The following ARHGEF7 variants were observed in gnomAD, a reference collection of about 807,000 sequenced individuals.
ARHGEF7 encodes PAK-interacting exchange factor beta.
In ARHGEF7, 33 loss-of-function variants were observed where a neutral mutation model predicts 109.8. The observed-to-expected ratio is 0.30, with a 90% CI of 0.23 to 0.40. The LOEUF (loss-of-function observed/expected upper bound fraction) is 0.40. Among genes scored for constraint, ARHGEF7 ranks in the 10% least tolerant of loss-of-function variants. The pLI, the probability that ARHGEF7 is intolerant of heterozygous loss-of-function variation, is 1.00. For missense variants in ARHGEF7, 938 were observed against 1,098.5 expected (o/e 0.85, Z 2.07); for synonymous variants, 458 against 424.6 (o/e 1.08, Z -0.97).
chr13:111,115,517 G>A lies in ARHGEF7; in HGVS notation c.-10G>A. On this transcript the variant is annotated 5_prime_UTR_variant, in exon 1 of 22. Coordinates refer to ENST00000646102, the MANE Select transcript of ARHGEF7 (RefSeq NM_001354046.2). ...CGCGCCCCTCCCCGCCTGCCTCCCG[G>A]GCCGCAGCGATGAATTCCGCCGAGC... The A allele has an allele frequency of 7.6e-7, 1 of 1,324,028 alleles. No homozygotes were observed. The highest frequency in any genetic ancestry group is 9.8e-7 in the Non-Finnish European group (1 of 1,015,308). The allele number at this position is 1,324,028 out of a possible 1,614,324, so 82.0% of individuals were successfully genotyped here. A position where few individuals can be genotyped will look rare whatever the true frequency, so the allele number is the denominator to read the frequency against.
Position 111,293,968 on chromosome 13 carries a change from A to G in ARHGEF7, c.2311+1674A>G, listed in dbSNP as rs994691029. 4 of 985,330 alleles carry G rather than the reference A, an allele frequency of 4.1e-6. No individual in the cohort carries two copies. In the African/African-American group the frequency reaches 7.0e-5, roughly 17 times the overall value. 61.0% of individuals were successfully genotyped at this position (985,330 alleles called of 1,614,324 possible). ...GCTTCATTCAGCATGGAACAAGCTAATGGCACAGGAGACATCAGGGCAGCT... is the reference window on the plus strand; with the variant it reads ...GCTTCATTCAGCATGGAACAAGCTAGTGGCACAGGAGACATCAGGGCAGCT... On this transcript the variant is annotated intron_variant, in intron 19 of 21. Transcript: ENST00000646102.
chr13:111,274,007 T>G, intron 10 of ARHGEF7, 55 bp downstream of exon 10: 1 of 1,587,106 alleles, frequency 6.3e-7, no homozygotes, highest in Non-Finnish European at 8.6e-7. Flanking sequence ...AGTGGCATGG[T>G]CAGACTTACT....
intron 8 of ARHGEF7, among the ~76,000 whole-genome samples, chr13:111,256,120 T>A (rs1055832392): frequency 2.0e-5 from 3 of 152,232 alleles, no homozygotes; most frequent in African/African-American, 4.8e-5. Context: ...GTCTTTAGTC[T>A]TATTCTTATC....
intron 8 of ARHGEF7, among the ~76,000 whole-genome samples, chr13:111,257,425 A>G (rs1379832591): frequency 6.6e-6 from 1 of 152,266 alleles, no homozygotes; most frequent in African/African-American, 2.4e-5. Flanking sequence ...CAATGTGTTT[A>G]TAAGTATTTA....
At position 111,273,087 on chromosome 13, in the gene ARHGEF7, T is replaced by C. The variant is rs960563369; in HGVS notation, c.1074-727T>C. ...AATTTTGGGATATGCACTGTTTCTA[T>C]GTCCATACACAGGGACACCTTCCTT... On this transcript the variant is annotated intron_variant, in intron 9 of 21. Coordinates refer to ENST00000646102, the MANE Select transcript of ARHGEF7 (RefSeq NM_001354046.2). The surrounding 1 kb of genome is among the most constrained non-coding windows in gnomAD (Gnocchi z 4.5). Among the ~76,000 whole-genome samples, 3 of 152,248 alleles carry C rather than the reference T, an allele frequency of 2.0e-5. No homozygotes were observed. The highest frequency in any genetic ancestry group is 4.4e-5 in the Non-Finnish European group (3 of 68,040).
intron 2 of ARHGEF7, 135 bp downstream of exon 2, chr13:111,154,126 G>A: frequency 1.1e-6 from 1 of 947,724 alleles, no homozygotes; most frequent in Non-Finnish European, 1.5e-6. Context: ...TCGAGAGTCC[G>A]GGATGTGTGG....
rs555856150 is a variant in ARHGEF7 at position 111,258,430 on chromosome 13, C to T, written c.951-9118C>T. ...CCAGCTCAGCCACAGCAGGATAGAG[C>T]ATCAGGCAGAACCCTGAGGCTCCCG... On this transcript the variant is annotated intron_variant, in intron 8 of 21. Coordinates refer to ENST00000646102, the MANE Select transcript of ARHGEF7 (RefSeq NM_001354046.2). The surrounding 1 kb of genome is among the most constrained non-coding windows in gnomAD (Gnocchi z 4.4). Among the ~76,000 whole-genome samples, 3 of 152,356 alleles carry T rather than the reference C, an allele frequency of 2.0e-5. 1 individual carries two copies. Among genetic ancestry groups the T allele is most frequent in the African/African-American group, 7.2e-5 (3 of 41,580 alleles).
In ARHGEF7 at chr13:111,293,368, A is replaced by G. The variant is rs556341233; in HGVS notation, c.2311+1074A>G. 127 of 985,070 alleles carry G rather than the reference A, an allele frequency of 1.3e-4. No homozygotes were observed. In the African/African-American group the frequency reaches 2.0e-3, roughly 16 times the overall value. The allele number at this position is 985,070 out of a possible 1,614,324, so 61.0% of individuals were successfully genotyped here. ...AGCAACCCCATAGTATAAAACCACA[A>G]TGCCTCATTGTAATGGGATATTGAA... On this transcript the variant is annotated intron_variant, in intron 19 of 21. Coordinates refer to ENST00000646102, the MANE Select transcript of ARHGEF7 (RefSeq NM_001354046.2).
chr13:111,124,364 C>A (rs542064132), intron 1 of ARHGEF7, among the ~76,000 whole-genome samples: 183 of 152,356 alleles, frequency 1.2e-3, no homozygotes, highest in Non-Finnish European at 2.4e-3. Context: ...CCTGGTGATG[C>A]CCAGAAGTCT....
chr13:111,215,765 T>C (rs1227133598), intron 4 of ARHGEF7, among the ~76,000 whole-genome samples: 2 of 152,230 alleles, frequency 1.3e-5, no homozygotes, highest in Admixed American at 1.3e-4. Flanking sequence ...AACTAAGCTC[T>C]TGGAGCCTGT....
In ARHGEF7 at chr13:111,288,129, G is replaced by A. The variant is rs568562889; in HGVS notation, c.2045-225G>A. Among the ~76,000 whole-genome samples the A allele has an allele frequency of 2.9e-3, 447 of 152,104 alleles. 2 individuals are homozygous for A. The highest frequency in any genetic ancestry group is 5.0e-3 in the Non-Finnish European group (337 of 67,994). On this transcript the variant is annotated intron_variant, in intron 17 of 21. Coordinates refer to ENST00000646102, the MANE Select transcript of ARHGEF7 (RefSeq NM_001354046.2). ...TAATCATTATAAAGTTAGGATGTTC[G>A]CCGTTTTTCCAAATGTGTTGCAAAT...
chr13:111,289,118 G>T (rs1445532381), intron 18 of ARHGEF7, among the ~76,000 whole-genome samples: 2 of 151,966 alleles, frequency 1.3e-5, no homozygotes, highest in Admixed American at 1.3e-4. Context: ...TGCAACCTCT[G>T]CCTCCTGGGT....
At chr13:111,208,239 C>T (rs1379670084) in intron 3 of ARHGEF7, among the ~76,000 whole-genome samples, 1 of 152,192 alleles carries the variant, frequency 6.6e-6, no homozygotes, top group Non-Finnish European at 1.5e-5. Context: ...GGGGTTTCTC[C>T]ATGTTGGTCA....
intron 1 of ARHGEF7, among the ~76,000 whole-genome samples, chr13:111,140,632 T>C (rs530132373): frequency 1.3e-5 from 2 of 152,296 alleles, no homozygotes; most frequent in Non-Finnish European, 2.9e-5. Flanking sequence ...AGCGATTGTG[T>C]AGTACCTGCT....
intron 2 of ARHGEF7, among the ~76,000 whole-genome samples, chr13:111,200,234 C>T (rs2081060108): frequency 6.6e-6 from 1 of 152,126 alleles, no homozygotes. Context: ...TCATTTTCCT[C>T]CCGGTCATCT....
intron 1 of ARHGEF7, among the ~76,000 whole-genome samples, chr13:111,137,597 A>G (rs774909602): frequency 2.6e-5 from 4 of 152,226 alleles, no homozygotes; most frequent in Non-Finnish European, 4.4e-5. Flanking sequence ...GCAGAGAGAC[A>G]GAAAGGACAT....
chr13:111,185,985 T>TGG (rs2079211789), intron 2 of ARHGEF7, among the ~76,000 whole-genome samples: 1 of 151,632 alleles, frequency 6.6e-6, no homozygotes, highest in Admixed American at 6.6e-5. Flanking sequence ...TGTGTGTGTG[T>TGG]GTGTGTGTGT....
chr13:111,156,293 T>C (rs2076327012), intron 2 of ARHGEF7, among the ~76,000 whole-genome samples: 1 of 152,210 alleles, frequency 6.6e-6, no homozygotes, highest in African/African-American at 2.4e-5. Flanking sequence ...TTGTTACTAA[T>C]AGAATGAACT....
intron 3 of ARHGEF7, among the ~76,000 whole-genome samples, chr13:111,207,407 A>G (rs552158472): frequency 5.9e-5 from 9 of 152,322 alleles, no homozygotes; most frequent in African/African-American, 1.7e-4. Context: ...AGCTCAAGCT[A>G]TCTGCCTGCC....
Sources: allele counts gnomAD v4.1 joint callset (sites outside exome capture counted in the v4.1 genomes callset), GRCh38; gene constraint gnomAD v4.1.1; non-coding constraint Gnocchi (gnomAD v3.1); transcripts MANE v1.5; gene names NCBI Gene and HGNC (gene_info 2026-07-23, HGNC 2026-07-21).